Variants in SGMS1 observed in about 807,000 individuals in gnomAD.
SGMS1 encodes sphingomyelin synthase 1.
In SGMS1, 13 loss-of-function variants were observed where a neutral mutation model predicts 46.2. The ratio of observed to expected loss-of-function variants is 0.28; its 90% confidence interval spans 0.18 to 0.45. SGMS1 has a LOEUF of 0.45. SGMS1 is among the 20% of genes least tolerant of loss of function. The pLI, the probability that SGMS1 is intolerant of heterozygous loss-of-function variation, is 1.00. For missense variants in SGMS1, 324 were observed against 519.9 expected (o/e 0.62, Z 3.66); for synonymous variants, 203 against 187.8 (o/e 1.08, Z -0.66).
At chr10:50,473,867 G>C (rs1837398861) in intron 3 of SGMS1, 1 of 152,234 alleles carries the variant, frequency 6.6e-6, no homozygotes, top group Non-Finnish European at 1.5e-5. Flanking sequence ...GACCCAAAGA[G>C]AGCCATTCAG....
intron 6 of SGMS1, among the ~76,000 whole-genome samples, chr10:50,398,573 G>C (rs759235530): frequency 6.9e-4 from 105 of 152,246 alleles, no homozygotes; most frequent in Non-Finnish European, 1.2e-3. Flanking sequence ...TACTTCTCAT[G>C]GGGGGAGGTT....
chr10:50,397,813 C>T (rs935470446), intron 6 of SGMS1, among the ~76,000 whole-genome samples: 4 of 152,154 alleles, frequency 2.6e-5, no homozygotes, highest in African/African-American at 7.2e-5. Flanking sequence ...AAAGCTTTTT[C>T]CTCTTGAGGT....
intron 2 of SGMS1, among the ~76,000 whole-genome samples, chr10:50,585,532 C>T (rs758524483): frequency 1.3e-5 from 2 of 152,196 alleles, no homozygotes; most frequent in Non-Finnish European, 2.9e-5. Context: ...CCATATTATA[C>T]TTTTTATTCT....
chr10:50,499,387 G>A (rs1377732530), intron 3 of SGMS1, among the ~76,000 whole-genome samples: 1 of 152,152 alleles, frequency 6.6e-6, no homozygotes, highest in East Asian at 1.9e-4. Context: ...AAGAAAGACA[G>A]ATGATGATAA....
At chr10:50,472,303 A>C (rs990326895) in intron 3 of SGMS1, among the ~76,000 whole-genome samples, 2 of 152,066 alleles carry the variant, frequency 1.3e-5, no homozygotes, top group African/African-American at 4.8e-5. Context: ...CTTACAGTAG[A>C]TTTCTTGAAC....
intron 3 of SGMS1, among the ~76,000 whole-genome samples, chr10:50,511,174 A>G (rs564316633): frequency 6.6e-6 from 1 of 152,218 alleles, no homozygotes; most frequent in South Asian, 2.1e-4. Flanking sequence ...AGTGGATAAA[A>G]TAGCAAACAA....
chr10:50,521,014 G>C (rs898082052), intron 2 of SGMS1, among the ~76,000 whole-genome samples: 3 of 151,918 alleles, frequency 2.0e-5, no homozygotes, highest in African/African-American at 7.3e-5. Context: ...AAACAGCTAG[G>C]CCTTCTGGTG....
chr10:50,413,947 T>C (rs1849134257), intron 6 of SGMS1, among the ~76,000 whole-genome samples: 1 of 152,210 alleles, frequency 6.6e-6, no homozygotes, highest in South Asian at 2.1e-4. Flanking sequence ...TAATAGTAAA[T>C]AAATATAAAG....
intron 6 of SGMS1, among the ~76,000 whole-genome samples, chr10:50,347,348 C>T (rs1261481845): frequency 6.6e-6 from 1 of 152,040 alleles, no homozygotes; most frequent in Non-Finnish European, 1.5e-5. Flanking sequence ...GGCTGTAAAA[C>T]AATTTGGACG....
intron 7 of SGMS1, among the ~76,000 whole-genome samples, chr10:50,328,973 A>C (rs2177371): frequency 0.58 from 87,893 of 152,128 alleles, 26,180 homozygotes; most frequent in East Asian, 0.85. Context: ...CCATCCTGCT[A>C]AAGTGAACAG....
intron 6 of SGMS1, among the ~76,000 whole-genome samples, chr10:50,385,187 C>CA (rs769337976): frequency 2.0e-4 from 30 of 152,264 alleles, no homozygotes; most frequent in Middle Eastern, 6.8e-3. Context: ...CTGATCATAT[C>CA]AAAGAACAGA....
In SGMS1 at chr10:50,427,378, A is replaced by G. The variant is rs543714895; in HGVS notation, c.-232+6098T>C. 7.9e-5 allele frequency among the ~76,000 whole-genome samples: 12 copies of G among 152,324 alleles called. No individual in the cohort carries two copies. In the East Asian group the frequency reaches 1.4e-3, roughly 17 times the overall value. The stretch of plus-strand genomic sequence containing the variant: ...GGCGCCACAGCACTCCAGCCTGTGT[A>G]ACAGAGCGAGACTCCGTCACAACAA... On this transcript the variant is annotated intron_variant, in intron 6 of 10. Coordinates refer to ENST00000361781, the MANE Select transcript of SGMS1 (RefSeq NM_147156.4).
At chr10:50,544,855 G>C (rs1158444981) in intron 2 of SGMS1, among the ~76,000 whole-genome samples, 1 of 152,142 alleles carries the variant, frequency 6.6e-6, no homozygotes, top group Non-Finnish European at 1.5e-5. Context: ...CTTTTCATTT[G>C]CCCCAAGAAG....
intron 8 of SGMS1, among the ~76,000 whole-genome samples, chr10:50,322,628 C>T (rs1031896544): frequency 4.0e-4 from 61 of 151,252 alleles, no homozygotes; most frequent in African/African-American, 1.5e-3. Flanking sequence ...GTCAGGAGAT[C>T]GAGACCATCC....
intron 2 of SGMS1, among the ~76,000 whole-genome samples, chr10:50,548,012 T>G (rs1838116232): frequency 2.0e-5 from 3 of 151,990 alleles, no homozygotes; most frequent in Admixed American, 2.0e-4. Context: ...TTAAAAACTC[T>G]CAACAAACTA....
chr10:50,323,497 A>T (rs1348996912), intron 8 of SGMS1, among the ~76,000 whole-genome samples: 1 of 152,170 alleles, frequency 6.6e-6, no homozygotes, highest in Non-Finnish European at 1.5e-5. Flanking sequence ...TGCTTTCTGT[A>T]ACTTGTTTCT....
intron 6 of SGMS1, among the ~76,000 whole-genome samples, chr10:50,400,681 T>C (rs372282524): frequency 7.2e-5 from 11 of 152,098 alleles, no homozygotes; most frequent in African/African-American, 2.7e-4. Context: ...ACTATCTTAT[T>C]AGTAAGAAGA....
At chr10:50,464,499 C>A (rs1023938536) in intron 4 of SGMS1, among the ~76,000 whole-genome samples, 1 of 152,220 alleles carries the variant, frequency 6.6e-6, no homozygotes, top group Non-Finnish European at 1.5e-5. Flanking sequence ...GTGGCACAAT[C>A]CCTGCTCACT....
chr10:50,443,634 C>T (rs1286708530), intron 5 of SGMS1, among the ~76,000 whole-genome samples: 1 of 151,876 alleles, frequency 6.6e-6, no homozygotes, highest in Non-Finnish European at 1.5e-5. Flanking sequence ...ATAAGAAATG[C>T]TGAAGGAAGC....
Sources: gnomAD v4.1 joint callset for allele counts (sites outside exome capture counted in the v4.1 genomes callset) on GRCh38, gnomAD v4.1.1 for gene constraint, MANE v1.5 for transcripts, NCBI Gene and HGNC (gene_info 2026-07-23, HGNC 2026-07-21) for gene names.